NRXN1: variants seen among roughly 807,000 people sequenced by gnomAD.
The protein encoded by NRXN1 is neurexin 1, also known as neurexin-1.
In NRXN1, 39 loss-of-function variants were observed where a neutral mutation model predicts 150.9. That is an observed-to-expected ratio of 0.26 (90% confidence interval 0.20 to 0.34). The LOEUF (loss-of-function observed/expected upper bound fraction) is 0.34. Among genes scored for constraint, NRXN1 ranks in the 10% least tolerant of loss-of-function variants. The probability of loss-of-function intolerance (pLI) is 1.00; values close to 1 mark genes in which losing one functional copy is unlikely to be tolerated. For synonymous variants in NRXN1, 924 were observed against 757.0 expected (o/e 1.22, Z -3.62); for missense variants, 1,815 against 1,949.9 (o/e 0.93, Z 1.30).
At chr2:50,253,645 CT>C (rs2067386361) in intron 17 of NRXN1, among the ~76,000 whole-genome samples, 2 of 152,090 alleles carry the variant, frequency 1.3e-5, no homozygotes, top group Non-Finnish European at 2.9e-5. Context: ...TTATCAAAAG[CT>C]TTTTCTGCGT....
At chr2:50,223,956 G>C (rs1003701185) in intron 18 of NRXN1, among the ~76,000 whole-genome samples, 7 of 151,962 alleles carry the variant, frequency 4.6e-5, no homozygotes, top group African/African-American at 7.2e-5. Context: ...TATTAGTTTA[G>C]TTCTACATTT....
chr2:50,070,783 A>AAC (rs1553560156), intron 19 of NRXN1, among the ~76,000 whole-genome samples: 5 of 141,316 alleles, frequency 3.5e-5, no homozygotes, highest in Admixed American at 2.7e-4. Flanking sequence ...AAAAAAAAAA[A>AAC]AAAAAACCTG....
intron 8 of NRXN1, among the ~76,000 whole-genome samples, chr2:50,589,658 C>T (rs1673788285): frequency 2.8e-5 from 1 of 35,838 alleles, no homozygotes; most frequent in African/African-American, 4.5e-5. Flanking sequence ...CTGGCCAAAA[C>T]AGGGATTCTT....
chr2:50,021,775 A>G (rs10495995), intron 21 of NRXN1, among the ~76,000 whole-genome samples: 109,863 of 152,076 alleles, frequency 0.72, 39,912 homozygotes, highest in African/African-American at 0.78. Flanking sequence ...ATCTATTCAG[A>G]AGTCCTCTAG....
At chr2:50,630,086 C>G (rs972523472) in intron 5 of NRXN1, among the ~76,000 whole-genome samples, 2 of 151,600 alleles carry the variant, frequency 1.3e-5, no homozygotes, top group Non-Finnish European at 3.0e-5. Context: ...AAGAGTCTGC[C>G]ATGGGATTTC....
At chr2:50,042,774 C>G (rs1297700890) in intron 21 of NRXN1, among the ~76,000 whole-genome samples, 2 of 152,028 alleles carry the variant, frequency 1.3e-5, no homozygotes, top group Non-Finnish European at 2.9e-5. Flanking sequence ...AGATCATTAT[C>G]TATCTATCTA....
intron 5 of NRXN1, among the ~76,000 whole-genome samples, chr2:50,737,555 C>T (rs2105247391): frequency 6.6e-6 from 1 of 152,252 alleles, no homozygotes; most frequent in South Asian, 2.1e-4. Context: ...AAGTCCGTGA[C>T]CTCTATGCTG....
intron 17 of NRXN1, among the ~76,000 whole-genome samples, chr2:50,392,742 G>A (rs559919516): frequency 9.9e-5 from 15 of 152,168 alleles, no homozygotes; most frequent in African/African-American, 3.6e-4. Context: ...AAACAAAGAC[G>A]TAGTAGAGAA....
intron 17 of NRXN1, among the ~76,000 whole-genome samples, chr2:50,444,350 C>A (rs2086218117): frequency 6.6e-6 from 1 of 152,128 alleles, no homozygotes; most frequent in Non-Finnish European, 1.5e-5. Flanking sequence ...GCAATTAACT[C>A]CCTGGTTGTG....
At chr2:50,599,450 AT>A (rs1156302651) in intron 8 of NRXN1, among the ~76,000 whole-genome samples, 1 of 152,200 alleles carries the variant, frequency 6.6e-6, no homozygotes, top group Non-Finnish European at 1.5e-5. Context: ...TTAGAAGAAA[AT>A]TTGTATCTCT....
intron 10 of NRXN1, 30 bp downstream of exon 10, chr2:50,538,223 G>A (rs200259939): frequency 1.9e-5 from 31 of 1,590,464 alleles, no homozygotes; most frequent in South Asian, 1.6e-4. Flanking sequence ...TCATCTCAGG[G>A]AGTTGGCTGC....
chr2:50,289,333 G>C (rs1381582580), intron 17 of NRXN1, among the ~76,000 whole-genome samples: 1 of 152,122 alleles, frequency 6.6e-6, no homozygotes, highest in Non-Finnish European at 1.5e-5. Context: ...CAAATGAGGA[G>C]TGTGGATCTG....
chr2:50,237,237 T>C (rs1229075591), intron 17 of NRXN1, among the ~76,000 whole-genome samples: 1 of 152,042 alleles, frequency 6.6e-6, no homozygotes, highest in Non-Finnish European at 1.5e-5. Flanking sequence ...TTCCATTGAG[T>C]TGGACAAGAA....
intron 5 of NRXN1, among the ~76,000 whole-genome samples, chr2:50,826,056 T>A (rs981174535): frequency 6.6e-6 from 1 of 152,166 alleles, no homozygotes; most frequent in Admixed American, 6.5e-5. Flanking sequence ...AATGAATTCT[T>A]AAACTTAAGA....
intron 17 of NRXN1, among the ~76,000 whole-genome samples, chr2:50,239,824 A>G (rs1281437206): frequency 1.3e-5 from 2 of 149,456 alleles, no homozygotes; most frequent in Non-Finnish European, 3.0e-5. Context: ...AATGTCTTAT[A>G]TCCATAAAGT....
chr2:50,776,580 T>C (rs1369607400), intron 5 of NRXN1, among the ~76,000 whole-genome samples: 1 of 151,120 alleles, frequency 6.6e-6, no homozygotes, highest in African/African-American at 2.4e-5. Flanking sequence ...ATATATATAA[T>C]ATTATATGTA....
At chr2:50,638,113 G>C (rs1231334065) in intron 5 of NRXN1, among the ~76,000 whole-genome samples, 1 of 152,078 alleles carries the variant, frequency 6.6e-6, no homozygotes, top group Non-Finnish European at 1.5e-5. Context: ...GTGCACAGGC[G>C]AAGTTGGGAT....
At chr2:50,999,639 G>A (rs537368769) in intron 2 of NRXN1, among the ~76,000 whole-genome samples, 3 of 151,998 alleles carry the variant, frequency 2.0e-5, no homozygotes, top group South Asian at 2.1e-4. Flanking sequence ...AAGAACCTAC[G>A]TGAAATATCG....
Position 50,205,634 on chromosome 2 carries a change from C to T in NRXN1, c.3546+31155G>A, listed in dbSNP as rs553205902. On this transcript the variant is annotated intron_variant, in intron 18 of 22. Transcript: ENST00000401669. ...GGACATCAAGCAGCTAAGCACTTTC[C>T]ACACAAAATCTTGTACATGATTGCT... Among the ~76,000 whole-genome samples the T allele has an allele frequency of 2.2e-4, 33 of 152,124 alleles. No individual in the cohort carries two copies. In the South Asian group the frequency reaches 6.2e-3, roughly 29 times the overall value.
Sources: allele counts gnomAD v4.1 joint callset (sites outside exome capture counted in the v4.1 genomes callset), GRCh38; gene constraint gnomAD v4.1.1; transcripts MANE v1.5; gene names NCBI Gene and HGNC (gene_info 2026-07-23, HGNC 2026-07-21).